PRKD1: variants seen among roughly 807,000 people sequenced by gnomAD.
PRKD1 encodes protein kinase D1, also known as serine/threonine-protein kinase D1.
A neutral mutation model predicts 95.9 loss-of-function variants in PRKD1; 63 were observed. That is an observed-to-expected ratio of 0.66 (90% CI 0.54 to 0.81). The LOEUF is 0.81. PRKD1 is among the 30% of genes least tolerant of loss of function. The pLI is 0.00. For missense variants in PRKD1, 1,048 were observed against 1,165.3 expected (o/e 0.90, Z 1.47); for synonymous variants, 425 against 423.1 (o/e 1.00, Z -0.05).
chr14:29,925,871 G>A (rs1895276769), intron 1 of PRKD1, among the ~76,000 whole-genome samples: 1 of 152,198 alleles, frequency 6.6e-6, no homozygotes. Context: ...GGAGAGGATT[G>A]TATACAAGGC....
chr14:29,865,826 C>T (rs1185063355), intron 1 of PRKD1, among the ~76,000 whole-genome samples: 2 of 152,158 alleles, frequency 1.3e-5, no homozygotes, highest in Non-Finnish European at 2.9e-5. Flanking sequence ...TCCCAAATTC[C>T]ACTTACCTGG....
intron 2 of PRKD1, among the ~76,000 whole-genome samples, chr14:29,698,238 T>C (rs889911804): frequency 6.6e-6 from 1 of 152,166 alleles, no homozygotes; most frequent in Non-Finnish European, 1.5e-5. Context: ...ACATATGATA[T>C]ACAACTTTTT....
chr14:29,658,570 G>A (rs1204140690), intron 4 of PRKD1, among the ~76,000 whole-genome samples: 1 of 151,690 alleles, frequency 6.6e-6, no homozygotes, highest in Non-Finnish European at 1.5e-5. Flanking sequence ...TTTTCATCCT[G>A]TTATCAAGTT....
intron 1 of PRKD1, among the ~76,000 whole-genome samples, chr14:29,851,120 A>C (rs1181325874): frequency 6.6e-6 from 1 of 152,132 alleles, no homozygotes; most frequent in South Asian, 2.1e-4. Flanking sequence ...AACTACAAAA[A>C]CCCTACAAGA....
At chr14:29,790,895 G>A (rs966768281) in intron 1 of PRKD1, among the ~76,000 whole-genome samples, 29 of 152,262 alleles carry the variant, frequency 1.9e-4, no homozygotes, top group African/African-American at 6.5e-4. Context: ...AAGTGTTACA[G>A]AGGTGTACAG....
At chr14:29,918,977 T>A (rs1332531696) in intron 1 of PRKD1, among the ~76,000 whole-genome samples, 1 of 152,214 alleles carries the variant, frequency 6.6e-6, no homozygotes, top group Non-Finnish European at 1.5e-5. Flanking sequence ...TCAACTGTTT[T>A]ATAATATATG....
intron 2 of PRKD1, among the ~76,000 whole-genome samples, chr14:29,698,455 G>A (rs556963145): frequency 6.6e-6 from 1 of 152,174 alleles, no homozygotes; most frequent in African/African-American, 2.4e-5. Context: ...AATCCTAGAC[G>A]GTAGATACAG....
At position 29,656,571 on chromosome 14, in the gene PRKD1, A is replaced by G. The variant is rs1026804246; in HGVS notation, c.696+7128T>C. 6.9e-6 allele frequency: 10 copies of G among 1,458,642 alleles called. No homozygotes were observed. In the African/African-American group the frequency reaches 1.4e-4, roughly 21 times the overall value. 90.4% of individuals were successfully genotyped at this position (1,458,642 alleles called of 1,614,324 possible). On this transcript the variant is annotated intron_variant, in intron 4 of 17. Coordinates refer to ENST00000331968, the MANE Select transcript of PRKD1 (RefSeq NM_002742.3). ...TCAAAGGAGAAAAAGACAGGAAAAC[A>G]ACGTTATTGGATGGAAGCAAAGCAC...
At chr14:29,764,303 TA>T (rs562767211) in intron 1 of PRKD1, among the ~76,000 whole-genome samples, 14 of 151,290 alleles carry the variant, frequency 9.3e-5, no homozygotes, top group Middle Eastern at 3.4e-3. Flanking sequence ...AAGTACTATT[TA>T]AAAAAAAATA....
intron 1 of PRKD1, among the ~76,000 whole-genome samples, chr14:29,888,876 C>T (rs1241114481): frequency 2.0e-5 from 3 of 152,168 alleles, no homozygotes; most frequent in Non-Finnish European, 4.4e-5. Context: ...CACAGAAAAG[C>T]ATAAGACTTT....
intron 1 of PRKD1, among the ~76,000 whole-genome samples, chr14:29,737,319 ACTCCGTCT>A (rs1886771884): frequency 1.9e-5 from 2 of 107,954 alleles, no homozygotes; most frequent in Non-Finnish European, 3.5e-5. Flanking sequence ...ACAGAGCGAG[ACTCCGTCT>A]CAAAAAAAAA....
chr14:29,747,524 A>G (rs1182963045), intron 1 of PRKD1, among the ~76,000 whole-genome samples: 2 of 152,172 alleles, frequency 1.3e-5, no homozygotes, highest in Admixed American at 6.5e-5. Flanking sequence ...ACTATTCACA[A>G]TAGGCAAAAG....
intron 1 of PRKD1, among the ~76,000 whole-genome samples, chr14:29,873,339 A>AG (rs991306966): frequency 3.3e-5 from 5 of 152,158 alleles, no homozygotes; most frequent in Admixed American, 6.5e-5. Flanking sequence ...TGCCTGTCTC[A>AG]GCCTCCCAAA....
At chr14:29,886,021 T>C (rs1175577869) in intron 1 of PRKD1, among the ~76,000 whole-genome samples, 1 of 151,988 alleles carries the variant, frequency 6.6e-6, no homozygotes, top group Non-Finnish European at 1.5e-5. Context: ...GGTTGCAATA[T>C]ATTTATAGAA....
At chr14:29,901,617 C>A (rs1894321226) in intron 1 of PRKD1, among the ~76,000 whole-genome samples, 1 of 152,112 alleles carries the variant, frequency 6.6e-6, no homozygotes, top group African/African-American at 2.4e-5. Flanking sequence ...ATTTTTGAGT[C>A]TTCAAATCTA....
chr14:29,607,437 T>C (rs67448712), intron 13 of PRKD1, among the ~76,000 whole-genome samples: 16,001 of 152,250 alleles, frequency 0.11, 898 homozygotes, highest in Non-Finnish European at 0.12. Context: ...GATGGCAAGC[T>C]GCTCTCTTAT....
chr14:29,877,848 G>A (rs1479652161), intron 1 of PRKD1, among the ~76,000 whole-genome samples: 1 of 152,192 alleles, frequency 6.6e-6, no homozygotes, highest in Non-Finnish European at 1.5e-5. Context: ...ACACATGCAA[G>A]TGAATGTTCA....
intron 1 of PRKD1, among the ~76,000 whole-genome samples, chr14:29,869,909 C>T (rs534900341): frequency 6.6e-5 from 10 of 152,216 alleles, no homozygotes; most frequent in South Asian, 2.1e-4. Flanking sequence ...GGGTGACTGG[C>T]GAGAGGTGGG....
intron 13 of PRKD1, among the ~76,000 whole-genome samples, chr14:29,614,616 T>C (rs1307264377): frequency 6.6e-6 from 1 of 152,078 alleles, no homozygotes; most frequent in East Asian, 1.9e-4. Flanking sequence ...AAGTAATAAG[T>C]GACAACAGTT....
Sources: gnomAD v4.1 joint callset for allele counts (sites outside exome capture counted in the v4.1 genomes callset) on GRCh38, gnomAD v4.1.1 for gene constraint, MANE v1.5 for transcripts, NCBI Gene and HGNC (gene_info 2026-07-23, HGNC 2026-07-21) for gene names.